The following MAPKAP1 variants were observed in gnomAD, a reference collection of about 807,000 sequenced individuals.
The protein encoded by MAPKAP1 is MAPK associated protein 1, also known as target of rapamycin complex 2 subunit MAPKAP1.
A neutral mutation model predicts 65.7 loss-of-function variants in MAPKAP1; 20 were observed. The ratio of observed to expected loss-of-function variants is 0.30; its 90% CI spans 0.21 to 0.44. The LOEUF (loss-of-function observed/expected upper bound fraction) is 0.44. MAPKAP1 is among the 20% of genes least tolerant of loss of function. The pLI is 1.00. For missense variants in MAPKAP1, 423 were observed against 648.0 expected (o/e 0.65, Z 3.77); for synonymous variants, 222 against 244.3 (o/e 0.91, Z 0.85).
intron 10 of MAPKAP1, among the ~76,000 whole-genome samples, chr9:125,455,466 T>G (rs1853128238): frequency 6.6e-6 from 1 of 152,142 alleles, no homozygotes; most frequent in Non-Finnish European, 1.5e-5. Flanking sequence ...GACCAAGAGA[T>G]AAAACTGAGG....
chr9:125,520,412 G>A (rs1829586722), intron 7 of MAPKAP1, among the ~76,000 whole-genome samples: 1 of 152,096 alleles, frequency 6.6e-6, no homozygotes, highest in Non-Finnish European at 1.5e-5. Context: ...CCCCTCTAAT[G>A]ATATAGTAAT....
chr9:125,596,159 A>G, intron 4 of MAPKAP1: 1 of 774,052 alleles, frequency 1.3e-6, no homozygotes, highest in Non-Finnish European at 2.3e-6. Flanking sequence ...CTGTCATTCA[A>G]AAACACCATA....
At chr9:125,672,023 A>G (rs479595) in intron 2 of MAPKAP1, among the ~76,000 whole-genome samples, 148,430 of 152,256 alleles carry the variant, frequency 0.97, 72,447 homozygotes, top group East Asian at 1. Context: ...ACTCAAAGCC[A>G]GTCCACTTGC....
At chr9:125,502,628 T>C (rs1829018846) in intron 8 of MAPKAP1, among the ~76,000 whole-genome samples, 1 of 152,222 alleles carries the variant, frequency 6.6e-6, no homozygotes, top group Non-Finnish European at 1.5e-5. Flanking sequence ...CCTAGCCTAA[T>C]TTCACTGTGA....
At chr9:125,679,290 C>T (rs1834750219) in intron 1 of MAPKAP1, among the ~76,000 whole-genome samples, 1 of 152,192 alleles carries the variant, frequency 6.6e-6, no homozygotes, top group South Asian at 2.1e-4. Context: ...GCGTGAGCCA[C>T]CGTGCCCAGC....
intron 3 of MAPKAP1, 49 bp downstream of exon 3, chr9:125,669,769 A>T: frequency 1.0e-6 from 1 of 980,376 alleles, no homozygotes; most frequent in South Asian, 1.6e-5. Context: ...TTATATAATA[A>T]ACTAAATATA....
intron 4 of MAPKAP1, among the ~76,000 whole-genome samples, chr9:125,636,490 T>C (rs10986825): frequency 0.02 from 2,986 of 152,324 alleles, 161 homozygotes; most frequent in East Asian, 0.15. Flanking sequence ...TTTTGCCAGA[T>C]AACTGCATAT....
At chr9:125,635,302 T>A (rs1277002428) in intron 4 of MAPKAP1, among the ~76,000 whole-genome samples, 1 of 152,204 alleles carries the variant, frequency 6.6e-6, no homozygotes, top group Non-Finnish European at 1.5e-5. Flanking sequence ...TTCAGAAGAT[T>A]AGAAACATTT....
intron 10 of MAPKAP1, among the ~76,000 whole-genome samples, chr9:125,458,297 GAGGGA>G (rs1853276791): frequency 6.6e-6 from 1 of 151,512 alleles, no homozygotes; most frequent in African/African-American, 2.4e-5. Flanking sequence ...GACAATAGTG[GAGGGA>G]AGGTCAGCAG....
intron 7 of MAPKAP1, among the ~76,000 whole-genome samples, chr9:125,528,434 T>C (rs1263084679): frequency 6.6e-6 from 1 of 152,072 alleles, no homozygotes; most frequent in African/African-American, 2.4e-5. Context: ...GTAGCCCAAT[T>C]AGGAGATGCG....
chr9:125,484,291 T>C, intron 9 of MAPKAP1, 152 bp downstream of exon 9: 2 of 738,128 alleles, frequency 2.7e-6, no homozygotes. Flanking sequence ...GGAAAAAGGA[T>C]GTACTTCAAA....
chr9:125,650,284 TACCTC>T (rs1338328137), intron 4 of MAPKAP1: 3 of 152,238 alleles, frequency 2.0e-5, no homozygotes, highest in African/African-American at 7.2e-5. Context: ...CAAATTTGAT[TACCTC>T]ACCTCCCCAT....
Position 125,499,292 on chromosome 9 carries a change from T to G in MAPKAP1, c.1066+7018A>C, listed in dbSNP as rs116800192. Among the ~76,000 whole-genome samples, 749 of 152,332 alleles carry G rather than the reference T, an allele frequency of 4.9e-3. 5 individuals carry two copies. Among genetic ancestry groups the G allele is most frequent in the African/African-American group, 0.017 (709 of 41,566 alleles). ...TGAAAATAATTCTGCTTTTGGAATG[T>G]TTTTCTTTGCCTCAATCCACCTTCT... On this transcript the variant is annotated intron_variant, in intron 8 of 11. Coordinates refer to ENST00000265960, the MANE Select transcript of MAPKAP1 (RefSeq NM_001006617.3).
chr9:125,542,943 C>G (rs759718730), intron 7 of MAPKAP1, 116 bp downstream of exon 7: 5 of 826,854 alleles, frequency 6.0e-6, no homozygotes, highest in Middle Eastern at 4.4e-4. Context: ...CTAACCAAAC[C>G]TTCTAGCAAT....
At chr9:125,658,629 CATGA>C (rs1204532248) in intron 3 of MAPKAP1, among the ~76,000 whole-genome samples, 1 of 152,118 alleles carries the variant, frequency 6.6e-6, no homozygotes, top group Non-Finnish European at 1.5e-5. Context: ...AATTTTGTTG[CATGA>C]ATGAATGAAT....
intron 7 of MAPKAP1, among the ~76,000 whole-genome samples, chr9:125,519,445 G>A (rs1412808381): frequency 3.3e-5 from 5 of 151,890 alleles, no homozygotes; most frequent in African/African-American, 1.2e-4. Context: ...AACAGCCTGA[G>A]CAACACAGTA....
At chr9:125,523,921 G>T (rs1384136686) in intron 7 of MAPKAP1, among the ~76,000 whole-genome samples, 1 of 152,224 alleles carries the variant, frequency 6.6e-6, no homozygotes, top group East Asian at 1.9e-4. Flanking sequence ...ATCCTTCAGA[G>T]ATTGGCTCCA....
At position 125,612,884 on chromosome 9, in the gene MAPKAP1, C is replaced by G. The variant is rs115342686; in HGVS notation, c.499-27157G>C. Among the ~76,000 whole-genome samples the G allele has an allele frequency of 3.5e-3, 531 of 152,330 alleles. 2 individuals carry two copies. The highest frequency in any genetic ancestry group is 0.012 in the African/African-American group (495 of 41,570). On this transcript the variant is annotated intron_variant, in intron 4 of 11. Transcript: ENST00000265960. ...ACAATGGAGGCAGGAAGAAACACAT[C>G]TAGCCAGTAAATCCATTGGGGTATC...
chr9:125,644,398 T>C (rs1044702884), intron 4 of MAPKAP1, among the ~76,000 whole-genome samples: 3 of 152,192 alleles, frequency 2.0e-5, no homozygotes, highest in Admixed American at 1.3e-4. Flanking sequence ...TTAGCACAAT[T>C]TTAACCCAAA....
Sources: allele counts gnomAD v4.1 joint callset (sites outside exome capture counted in the v4.1 genomes callset), GRCh38; gene constraint gnomAD v4.1.1; transcripts MANE v1.5; gene names NCBI Gene and HGNC (gene_info 2026-07-23, HGNC 2026-07-21).